Variants in SORL1 observed in about 807,000 individuals in gnomAD.
SORL1 encodes the protein sortilin-related receptor.
Under a neutral mutation model 273.7 loss-of-function variants are expected in SORL1, and 127 were observed. The observed-to-expected ratio is 0.46, with a 90% CI of 0.40 to 0.54. SORL1 has a LOEUF of 0.54. SORL1 is among the 20% of genes least tolerant of loss of function. SORL1 has a pLI of 0.00. For synonymous variants in SORL1, 1,031 were observed against 1,067.4 expected (o/e 0.97, Z 0.66); for missense variants, 2,494 against 2,846.1 (o/e 0.88, Z 2.81).
At chr11:121,575,397 G>A (rs140791684) in intron 24 of SORL1, among the ~76,000 whole-genome samples, 1 of 152,392 alleles carries the variant, frequency 6.6e-6, no homozygotes, top group African/African-American at 2.4e-5. Flanking sequence ...GAGAGTGGAG[G>A]TCAGACGCTG....
At chr11:121,603,298 C>T (rs1209569597) in intron 32 of SORL1, among the ~76,000 whole-genome samples, 2 of 152,194 alleles carry the variant, frequency 1.3e-5, no homozygotes, top group Non-Finnish European at 2.9e-5. Context: ...CAGGACTGGG[C>T]AGGCAGGTGT....
intron 38 of SORL1, chr11:121,609,720 A>G (rs754544068): frequency 2.0e-5 from 3 of 152,248 alleles, no homozygotes; most frequent in Non-Finnish European, 2.9e-5. Flanking sequence ...CATCAGCCAG[A>G]CGCGCCAGGT....
In SORL1 at chr11:121,614,890, T is replaced by A. The variant is rs62622819; in HGVS notation, c.5439T>A (p.His1813Gln). ...TCACAGTTGGCAATCTGACAGCTCATACATCCTATGAGATTTCTGCCTGGG... is the reference window on the plus strand; with the variant it reads ...TCACAGTTGGCAATCTGACAGCTCAAACATCCTATGAGATTTCTGCCTGGG... ...LSHKVGNLTA[H>Q]TSYEISAWAK... The change falls in exon 41 of 48, where the codon CAT becomes CAA. Residue 1813 changes from histidine (H) to glutamine (Q), a missense_variant. His to Gln is a conservative substitution (Grantham distance 24). This residue lies in a region of SORL1 where 1,609 missense variants were observed against 1,816.4 expected (regional missense o/e 0.89). Transcript: ENST00000260197. 13,010 of 1,613,242 alleles carry A rather than the reference T, an allele frequency of 8.1e-3. 80 individuals are homozygous for A. The highest frequency in any genetic ancestry group is 0.01 in the Non-Finnish European group (11,935 of 1,179,600).
intron 25 of SORL1, among the ~76,000 whole-genome samples, chr11:121,581,773 A>T (rs1395893711): frequency 2.0e-5 from 3 of 152,244 alleles, no homozygotes; most frequent in Non-Finnish European, 4.4e-5. Flanking sequence ...AAACTTCACT[A>T]GCACTCTGAA....
intron 3 of SORL1, among the ~76,000 whole-genome samples, chr11:121,480,110 C>T (rs1192918941): frequency 2.0e-5 from 3 of 152,126 alleles, no homozygotes; most frequent in Non-Finnish European, 4.4e-5. Flanking sequence ...CCATATGCGC[C>T]CCGCCTCTCA....
intron 30 of SORL1, 70 bp from the exon 31 acceptor site, chr11:121,590,931 T>G (rs772990487): frequency 1.9e-6 from 3 of 1,570,434 alleles, no homozygotes; most frequent in Non-Finnish European, 1.8e-6. Flanking sequence ...GCACTAGGTT[T>G]GGGACATATT....
chr11:121,492,710 C>A (rs1358269269), intron 5 of SORL1, among the ~76,000 whole-genome samples: 1 of 152,074 alleles, frequency 6.6e-6, no homozygotes, highest in African/African-American at 2.4e-5. Flanking sequence ...TGTCTCCCTC[C>A]ACAGCCAATG....
At chr11:121,454,089 G>C (rs940797241) in intron 1 of SORL1, among the ~76,000 whole-genome samples, 1 of 152,196 alleles carries the variant, frequency 6.6e-6, no homozygotes, top group African/African-American at 2.4e-5. Flanking sequence ...TTGTCCCCCT[G>C]TCCCCACCCC....
chr11:121,458,150 G>A (rs1353340307), intron 1 of SORL1, among the ~76,000 whole-genome samples: 1 of 152,194 alleles, frequency 6.6e-6, no homozygotes, highest in African/African-American at 2.4e-5. Context: ...CTTTTGCTAT[G>A]TATTTATGTA....
intron 21 of SORL1, among the ~76,000 whole-genome samples, chr11:121,564,095 G>T (rs1862718340): frequency 6.6e-6 from 1 of 152,196 alleles, no homozygotes; most frequent in Non-Finnish European, 1.5e-5. Context: ...CTTTGAAGAT[G>T]ATTGTCCACT....
At chr11:121,495,782 T>C (rs1861620436) in intron 5 of SORL1, among the ~76,000 whole-genome samples, 1 of 152,178 alleles carries the variant, frequency 6.6e-6, no homozygotes. Context: ...GGCCTGGTCA[T>C]TCTATGTTTT....
At position 121,630,655 on chromosome 11, in the gene SORL1, T is replaced by A. The variant is rs1334120935; in HGVS notation, c.*1092T>A. 3.9e-5 allele frequency: 6 copies of A among 152,138 alleles called. No homozygotes were observed. The highest frequency in any genetic ancestry group is 8.8e-5 in the Non-Finnish European group (6 of 68,024). The allele number at this position is 152,138 out of a possible 1,614,324, so 9.4% of individuals were successfully genotyped here. A position where few individuals can be genotyped will look rare whatever the true frequency, so the allele number is the denominator to read the frequency against. On this transcript the variant is annotated 3_prime_UTR_variant, in exon 48 of 48. Coordinates refer to ENST00000260197, the MANE Select transcript of SORL1 (RefSeq NM_003105.6). ...TTTTTCTCCTCTTCTTCCATCTCCC[T>A]CACCCATGCCCCCACCCAATCTAAA...
At chr11:121,537,805 C>T (rs537321346) in intron 12 of SORL1, among the ~76,000 whole-genome samples, 1 of 152,330 alleles carries the variant, frequency 6.6e-6, no homozygotes, top group Non-Finnish European at 1.5e-5. Flanking sequence ...CCCAGATTCT[C>T]CTCCCTCCAG....
Position 121,589,415 on chromosome 11 carries a change from A to G in SORL1, c.4078+25A>G, listed in dbSNP as rs1165898990. Reference sequence around the variant, plus strand: ...GGTAAGATGTCCAGTCTGCCTCCTCACATCCTAATCCTCTAGTTAACAGTG... The same window carrying G: ...GGTAAGATGTCCAGTCTGCCTCCTCGCATCCTAATCCTCTAGTTAACAGTG... On this transcript the variant is annotated intron_variant, in intron 29 of 47. Coordinates refer to ENST00000260197, the MANE Select transcript of SORL1 (RefSeq NM_003105.6). The G allele has an allele frequency of 3.1e-6, 5 of 1,611,368 alleles. No individual in the cohort carries two copies. The South Asian group carries it at 5.5e-5, about 18-fold the overall frequency.
At chr11:121,465,539 T>C (rs568887209) in intron 1 of SORL1, among the ~76,000 whole-genome samples, 1 of 152,080 alleles carries the variant, frequency 6.6e-6, no homozygotes, top group Non-Finnish European at 1.5e-5. Flanking sequence ...CTCCTTTTTT[T>C]TTTTTTGAGA....
chr11:121,617,111 C>T (rs568503392), intron 41 of SORL1, among the ~76,000 whole-genome samples: 4 of 152,312 alleles, frequency 2.6e-5, no homozygotes, highest in Admixed American at 2.0e-4. Context: ...GTTCTTTTGA[C>T]GTCTTTTAGT....
chr11:121,510,672 G>A (rs1272008490), intron 6 of SORL1, among the ~76,000 whole-genome samples: 1 of 152,182 alleles, frequency 6.6e-6, no homozygotes, highest in Non-Finnish European at 1.5e-5. Context: ...GTAGAGAAGT[G>A]CAGTCATTTA....
At chr11:121,606,347 T>G (rs890956328) in intron 35 of SORL1, among the ~76,000 whole-genome samples, 3 of 152,214 alleles carry the variant, frequency 2.0e-5, no homozygotes, top group African/African-American at 7.2e-5. Context: ...TTTCATTGCC[T>G]AAAGTATCCT....
rs1289337525 is a variant in SORL1 at position 121,633,290 on chromosome 11, C to G, written c.*3727C>G. 1 of 152,130 alleles carries G rather than the reference C, an allele frequency of 6.6e-6. No individual in the cohort carries two copies. Among genetic ancestry groups the G allele is most frequent in the Non-Finnish European group, 1.5e-5 (1 of 68,038 alleles). The allele number at this position is 152,130 out of a possible 1,614,324, so 9.4% of individuals were successfully genotyped here. A position where few individuals can be genotyped will look rare whatever the true frequency, so the allele number is the denominator to read the frequency against. ...CATATTATGAATTAAATCGTCACAG[C>G]CAAGTAATAACCCAAGAATGGTATG... On this transcript the variant is annotated 3_prime_UTR_variant, in exon 48 of 48. Coordinates refer to ENST00000260197, the MANE Select transcript of SORL1 (RefSeq NM_003105.6).
Sources: allele counts gnomAD v4.1 joint callset (sites outside exome capture counted in the v4.1 genomes callset), GRCh38; gene constraint gnomAD v4.1.1; regional missense constraint gnomAD v4.1.1; transcripts MANE v1.5; gene names NCBI Gene and HGNC (gene_info 2026-07-23, HGNC 2026-07-21).